The following PTCD3 variants were observed in gnomAD, a reference collection of about 807,000 sequenced individuals.
PTCD3 encodes the protein small ribosomal subunit protein mS39.
In PTCD3, 89 loss-of-function variants were observed where a neutral mutation model predicts 101.9. The observed-to-expected ratio is 0.87, with a 90% CI of 0.74 to 1.04. The LOEUF is 1.04. Among genes scored for constraint, PTCD3 ranks in the 50% least tolerant of loss-of-function variants. The pLI is 0.00. For synonymous variants in PTCD3, 296 were observed against 278.5 expected (o/e 1.06, Z -0.63); for missense variants, 870 against 828.2 (o/e 1.05, Z -0.62).
chr2:86,128,041 T>C (rs1386323430), intron 14 of PTCD3, 50 bp downstream of exon 14: 3 of 1,401,998 alleles, frequency 2.1e-6, no homozygotes, highest in Non-Finnish European at 2.0e-6. Context: ...TTGACCAGCT[T>C]TCTTGAGTTT....
chr2:86,127,397 G>C (rs576285551), intron 13 of PTCD3, 92 bp downstream of exon 13: 2 of 1,393,934 alleles, frequency 1.4e-6, no homozygotes, highest in South Asian at 1.4e-5. Context: ...AATTATTCTT[G>C]TGCTTACATA....
intron 17 of PTCD3, 130 bp from the exon 18 acceptor site, chr2:86,133,048 C>G: frequency 7.1e-7 from 1 of 1,411,986 alleles, no homozygotes; most frequent in Non-Finnish European, 9.4e-7. Flanking sequence ...AATATTGGCT[C>G]GTTTAACTTG....
chr2:86,113,254 C>G (rs745633076), intron 4 of PTCD3, among the ~76,000 whole-genome samples: 1 of 152,214 alleles, frequency 6.6e-6, no homozygotes, highest in Non-Finnish European at 1.5e-5. Context: ...GAAATTTTCT[C>G]TGTTGGCAAC....
intron 4 of PTCD3, among the ~76,000 whole-genome samples, chr2:86,112,355 C>CTTTTTT (rs368645963): frequency 7.2e-6 from 1 of 138,842 alleles, no homozygotes; most frequent in Non-Finnish European, 1.6e-5. Context: ...AGTGCCCGGC[C>CTTTTTT]TTTTTTTTTT....
chr2:86,121,672 T>G, intron 8 of PTCD3, 78 bp downstream of exon 8: 1 of 858,266 alleles, frequency 1.2e-6, no homozygotes, highest in Non-Finnish European at 1.8e-6. Flanking sequence ...TAAGATGGGT[T>G]GTTTTGCCAT....
intron 21 of PTCD3, chr2:86,135,943 T>C (rs761035207): frequency 1.9e-6 from 1 of 519,210 alleles, no homozygotes; most frequent in South Asian, 1.4e-5. Context: ...GTTTCTCCTT[T>C]GTCCTGCATG....
At chr2:86,116,429 T>G in intron 4 of PTCD3, 101 bp from the exon 5 acceptor site, 2 of 973,008 alleles carry the variant, frequency 2.1e-6, no homozygotes, top group Non-Finnish European at 3.2e-6. Flanking sequence ...CTAGGCTACT[T>G]GGGAGGCTGA....
At chr2:86,124,956 T>C in intron 9 of PTCD3, 39 bp from the exon 10 acceptor site, 1 of 1,608,076 alleles carries the variant, frequency 6.2e-7, no homozygotes, top group African/African-American at 1.3e-5. Flanking sequence ...CATTGGTATT[T>C]CTTATTGCCT....
chr2:86,113,270 A>G (rs1424273931), intron 4 of PTCD3, among the ~76,000 whole-genome samples: 1 of 152,234 alleles, frequency 6.6e-6, no homozygotes, highest in Non-Finnish European at 1.5e-5. Flanking sequence ...GCAACTCAAG[A>G]GTAGAGTTTG....
intron 7 of PTCD3, 131 bp from the exon 8 acceptor site, chr2:86,121,348 A>G (rs774820145): frequency 1.9e-6 from 1 of 534,440 alleles, no homozygotes; most frequent in Admixed American, 3.5e-5. Context: ...GAGTGCATAA[A>G]GTAGTGGACA....
chr2:86,112,554 CACCTGTAGTCCT>C (rs1210739252), intron 4 of PTCD3, among the ~76,000 whole-genome samples: 1 of 151,672 alleles, frequency 6.6e-6, no homozygotes, highest in East Asian at 1.9e-4. Flanking sequence ...GGCATGGTGG[CACCTGTAGTCCT>C]ACCTATTCAG....
rs1674528464 is a variant in PTCD3, at chr2:86,133,441, GT to G, written c.1543+9del. 25 of 1,605,358 alleles carry G rather than the reference GT, an allele frequency of 1.6e-5. No individual in the cohort carries two copies. Among genetic ancestry groups the G allele is most frequent in the Non-Finnish European group, 2.1e-5 (25 of 1,172,180 alleles). ...TGATTCCTAAAATTTGGAAAGGTCAGTTTTACTTTTTATGTGTCCAGGTGCA... is the reference window on the plus strand; with the variant it reads ...TGATTCCTAAAATTTGGAAAGGTCAGTTTACTTTTTATGTGTCCAGGTGCA... On this transcript the variant is annotated splice_donor_region_variant and intron_variant, in intron 19 of 23. Transcript: ENST00000254630.
rs745868420 is a variant in PTCD3 at position 86,121,614 on chromosome 2, AT to A, written c.654+31del. On this transcript the variant is annotated intron_variant, in intron 8 of 23. Coordinates refer to ENST00000254630, the MANE Select transcript of PTCD3 (RefSeq NM_017952.6). ...GCATTGGTAATAACTGTTGGCCTTG[AT>A]TTTTTTTTTTCCTTAAGCTTCTTTT... 23,338 of 1,176,412 alleles carry A rather than the reference AT, an allele frequency of 0.02. No individual in the cohort carries two copies. Among genetic ancestry groups the A allele is most frequent in the South Asian group, 0.034 (2,040 of 60,186 alleles). 72.9% of individuals were successfully genotyped at this position (1,176,412 alleles called of 1,614,324 possible). A position where few individuals can be genotyped will look rare whatever the true frequency, so the allele number is the denominator to read the frequency against.
intron 9 of PTCD3, 116 bp from the exon 10 acceptor site, chr2:86,124,879 A>AC (rs1674355021): frequency 3.7e-6 from 5 of 1,346,656 alleles, no homozygotes; most frequent in African/African-American, 2.9e-5. Context: ...GAATTGAGAT[A>AC]ATGTATAGAA....
intron 3 of PTCD3, among the ~76,000 whole-genome samples, chr2:86,110,382 T>C (rs964094056): frequency 6.6e-6 from 1 of 152,266 alleles, no homozygotes; most frequent in African/African-American, 2.4e-5. Flanking sequence ...GTCTTAAGAA[T>C]GTTATGTTAA....
rs376354484 is a variant in PTCD3, at chr2:86,137,558, G to C, written c.2069G>C (p.Ter690SerextTer19). 19 of 1,579,574 alleles carry C rather than the reference G, an allele frequency of 1.2e-5. No individual in the cohort carries two copies. The South Asian group carries it at 1.3e-4, about 11-fold the overall frequency. ...GACAGTGACACCAGTGAAGGCAAAT[G>C]AAAGTGGAGATTCAGGAGCAGCAAT... ...DSDSDTSEGK[*>S] The change falls in exon 24 of 24, where the codon TGA (stop) becomes TCA (serine). Residue 690 changes from the stop codon to serine, a stop_lost. Transcript: ENST00000254630.
At position 86,138,270 on chromosome 2, in the gene PTCD3, G is replaced by A. The variant is rs996836725; in HGVS notation, c.*711G>A. 6.6e-6 allele frequency: 1 copy of A among 152,098 alleles called. No homozygotes were observed. Among genetic ancestry groups the A allele is most frequent in the African/African-American group, 2.4e-5 (1 of 41,366 alleles). 9.4% of individuals were successfully genotyped at this position (152,098 alleles called of 1,614,324 possible). A position where few individuals can be genotyped will look rare whatever the true frequency, so the allele number is the denominator to read the frequency against. ...AGTGGTTGAAATGAGAGCTAGTGAT[G>A]ACAGAAGGATGTGGAATGTCTTCTT... On this transcript the variant is annotated 3_prime_UTR_variant, in exon 24 of 24. Coordinates refer to ENST00000254630, the MANE Select transcript of PTCD3 (RefSeq NM_017952.6).
rs1330742059 is a variant in PTCD3, at chr2:86,141,844, C to T, written c.*4285C>T. 6.6e-6 allele frequency: 1 copy of T among 152,170 alleles called. No homozygotes were observed. Among genetic ancestry groups the T allele is most frequent in the African/African-American group, 2.4e-5 (1 of 41,454 alleles). 9.4% of individuals were successfully genotyped at this position (152,170 alleles called of 1,614,324 possible). ...GAGAAGCCTACCTGCCCTAATGGCTCAGGGCTATATCCACCTCCCGGATAA... is the reference window on the plus strand; with the variant it reads ...GAGAAGCCTACCTGCCCTAATGGCTTAGGGCTATATCCACCTCCCGGATAA... On this transcript the variant is annotated 3_prime_UTR_variant, in exon 24 of 24. Transcript: ENST00000254630.
rs1347537574 is a variant in PTCD3 at position 86,127,989 on chromosome 2, C to T, written c.1145C>T (p.Pro382Leu). The T allele has an allele frequency of 6.2e-7, 1 of 1,603,536 alleles. No homozygotes were observed. Among genetic ancestry groups the T allele is most frequent in the Admixed American group, 1.7e-5 (1 of 60,008 alleles). Reference protein sequence around the residue: ...YHHIIRLFDQPGDPLKRSSFI... With the variant: ...YHHIIRLFDQLGDPLKRSSFI... Reference sequence around the variant, plus strand: ...CATATTATTCGCCTGTTTGATCAACCTGGTATGTATGGCCTTAAATTGTGT... The same window carrying T: ...CATATTATTCGCCTGTTTGATCAACTTGGTATGTATGGCCTTAAATTGTGT... The change falls in exon 14 of 24, where the codon CCT becomes CTT. Residue 382 changes from proline to leucine, a missense_variant and splice_region_variant. Coordinates refer to ENST00000254630, the MANE Select transcript of PTCD3 (RefSeq NM_017952.6).
Sources: gnomAD v4.1 joint callset for allele counts (sites outside exome capture counted in the v4.1 genomes callset) on GRCh38, gnomAD v4.1.1 for gene constraint, MANE v1.5 for transcripts, NCBI Gene and HGNC (gene_info 2026-07-23, HGNC 2026-07-21) for gene names.